SLC25A29: variants seen among roughly 807,000 people sequenced by gnomAD.
SLC25A29 encodes mitochondrial basic amino acids transporter.
A neutral mutation model predicts 10.0 loss-of-function variants in SLC25A29; 13 were observed. The observed-to-expected ratio is 1.30, with a 90% CI of 0.85 to 2.07. SLC25A29 has a LOEUF of 2.07. Among genes scored for constraint, SLC25A29 ranks in the 30% most tolerant of loss-of-function variants. The pLI is 0.00. For missense variants in SLC25A29, 475 were observed against 447.6 expected (o/e 1.06, Z -0.55); for synonymous variants, 244 against 221.1 (o/e 1.10, Z -0.92).
At chr14:100,303,137 G>A (rs1892673616) in intron 1 of SLC25A29, among the ~76,000 whole-genome samples, 1 of 152,216 alleles carries the variant, frequency 6.6e-6, no homozygotes, top group Admixed American at 6.5e-5. Context: ...CTGGAAACAG[G>A]AAATCCATCC....
At position 100,292,402 on chromosome 14, in the gene SLC25A29, T is replaced by C. The variant is rs962410210; in HGVS notation, c.793A>G (p.Thr265Ala). ...AGCACCACCGTGACGGTGGCGAAGG[T>C]GGCAGCGTTGACGGGGAAGGCGCGC... ...LLRAFPVNAA[T>A]FATVTVVLTY... Residue 265 changes from threonine to alanine, a missense_variant, in exon 4 of 4, where the codon ACC (threonine) becomes GCC (alanine). Transcript: ENST00000359232. 3.2e-6 allele frequency: 5 copies of C among 1,572,628 alleles called. No individual in the cohort carries two copies. The highest frequency in any genetic ancestry group is 4.3e-6 in the Non-Finnish European group (5 of 1,162,136).
At chr14:100,293,652 A>C (rs1891939226) in intron 2 of SLC25A29, 1 of 468,578 alleles carries the variant, frequency 2.1e-6, no homozygotes, top group African/African-American at 2.0e-5. Context: ...TCTTGTTTAC[A>C]CTATGGCTGC....
At chr14:100,297,423 C>T (rs537934177) in intron 2 of SLC25A29, among the ~76,000 whole-genome samples, 3 of 152,288 alleles carry the variant, frequency 2.0e-5, no homozygotes, top group Non-Finnish European at 2.9e-5. Flanking sequence ...GCAGGTCTGG[C>T]CAATTCATAG....
rs779196663 is a variant in SLC25A29 at position 100,292,742 on chromosome 14, G to A, written c.453C>T (p.Asn151=). The change falls in exon 4 of 4, where the codon AAC becomes AAT. Residue 151 remains asparagine (N), a synonymous_variant. Transcript: ENST00000359232. ...IYGHEGLRGV[N]RGMVSTLLRE... is the part of the protein sequence containing the mutation. ...GCAGCAACGTGGACACCATGCCCCG[G>A]TTGACGCCACGCAGACCCTCGTGCC... 3.7e-5 allele frequency: 60 copies of A among 1,602,484 alleles called. No individual in the cohort carries two copies. The highest frequency in any genetic ancestry group is 6.7e-5 in the South Asian group (6 of 89,614).
chr14:100,278,635 T>C, the SLC25A29 span: 1 of 152,264 alleles, frequency 6.6e-6, no homozygotes, highest in Non-Finnish European at 1.5e-5. Flanking sequence ...GATGCATGGA[T>C]ATTTTAATAC....
chr14:100,282,972 AGCAAG>A, the SLC25A29 span, among the ~76,000 whole-genome samples: 1 of 152,208 alleles, frequency 6.6e-6, no homozygotes, highest in Non-Finnish European at 1.5e-5. Context: ...GTCTCACACC[AGCAAG>A]AAATGCTTCT....
rs1891805101 is a variant in SLC25A29, at chr14:100,292,590, A to G, written c.605T>C (p.Val202Ala). 1 of 1,603,144 alleles carries G rather than the reference A, an allele frequency of 6.2e-7. No homozygotes were observed. The highest frequency in any genetic ancestry group is 1.3e-5 in the African/African-American group (1 of 74,930). Residue 202 changes from valine (V) to alanine (A), a missense_variant, in exon 4 of 4, where the codon GTG becomes GCG. Val to Ala is a moderately conservative substitution (Grantham distance 64, BLOSUM62 0). Transcript: ENST00000359232. ...LLLAGGTSGI[V>A]SWLSTYPVDV... ...CACAGGATAGGTAGAGAGCCAGGAC[A>G]CGATGCCTGACGTACCGCCCGCCAA... is the stretch of plus-strand genomic sequence containing the variant.
In SLC25A29 at chr14:100,292,861, GGCA is replaced by G; in HGVS notation, c.331_333del (p.Cys111del). 6.2e-7 allele frequency: 1 copy of G among 1,600,322 alleles called. No homozygotes were observed. Among genetic ancestry groups the G allele is most frequent in the Non-Finnish European group, 8.5e-7 (1 of 1,175,312 alleles). Reference sequence around the variant, plus strand: ...AGCCGCGTCTTGGCCAGCTCCATGGGGCAGCAGATGACGCACTGGATGGCGCCC... The same window carrying G: ...AGCCGCGTCTTGGCCAGCTCCATGGGGCAGATGACGCACTGGATGGCGCCC... On this transcript the variant is annotated inframe_deletion, in exon 4 of 4. Transcript: ENST00000359232.
At chr14:100,285,699 A>T in the SLC25A29 span, among the ~76,000 whole-genome samples, 29 of 150,750 alleles carry the variant, frequency 1.9e-4, no homozygotes, top group African/African-American at 7.1e-4. Context: ...GGCGGAGGAG[A>T]CTCCCGCCGC....
chr14:100,281,216 TTTAA>T, the SLC25A29 span: 2 of 151,988 alleles, frequency 1.3e-5, no homozygotes, highest in African/African-American at 2.4e-5. Context: ...GTTGTTGATC[TTTAA>T]TTATTTAATT....
chr14:100,299,780 T>A (rs1892418975), intron 1 of SLC25A29: 1 of 985,136 alleles, frequency 1.0e-6, no homozygotes, highest in African/African-American at 1.7e-5. Flanking sequence ...CTCCCTGGAG[T>A]TTCACGTGGA....
Position 100,295,966 on chromosome 14 carries a change from G to C in SLC25A29, c.79-2589C>G. On this transcript the variant is annotated intron_variant, in intron 2 of 3. Coordinates refer to ENST00000359232, the MANE Select transcript of SLC25A29 (RefSeq NM_001039355.3). Reference sequence around the variant, plus strand: ...TTCTGGGCGCTATAGAGGAGATCCAGATCTTGGATTCTTTCAGTCCCAAGG... The same window carrying C: ...TTCTGGGCGCTATAGAGGAGATCCACATCTTGGATTCTTTCAGTCCCAAGG... The C allele has an allele frequency of 2.3e-6, 3 of 1,289,788 alleles. No homozygotes were observed. In the South Asian group the frequency reaches 3.7e-5, roughly 16 times the overall value. 79.9% of individuals were successfully genotyped at this position (1,289,788 alleles called of 1,614,324 possible).
intron 1 of SLC25A29, 42 bp from the exon 2 acceptor site, chr14:100,298,927 AAC>A (rs917925312): frequency 6.2e-6 from 10 of 1,612,962 alleles, no homozygotes; most frequent in East Asian, 4.5e-5. Context: ...ATACCTCAGA[AAC>A]ACAGTGCAGG....
At chr14:100,295,455 G>C (rs1438433690) in intron 2 of SLC25A29, 2 of 602,968 alleles carry the variant, frequency 3.3e-6, no homozygotes, top group Non-Finnish European at 4.9e-6. Flanking sequence ...CAATCCAGAG[G>C]GGGCTGATTT....
In SLC25A29 at chr14:100,292,880, G is replaced by C. The variant is rs774058883; in HGVS notation, c.315C>G (p.Ile105Met). 2 of 1,601,944 alleles carry C rather than the reference G, an allele frequency of 1.2e-6. No individual in the cohort carries two copies. The highest frequency in any genetic ancestry group is 2.7e-5 in the African/African-American group (2 of 74,786). ...QFLAGAAAGA[I>M]QCVICCPMEL... ...CCATGGGGCAGCAGATGACGCACTG[G>C]ATGGCGCCCGCCGCCGCACCTGCCA... Residue 105 changes from isoleucine (I) to methionine (M), a missense_variant, in exon 4 of 4, where the codon ATC (isoleucine) becomes ATG (methionine). Ile to Met is a conservative substitution (Grantham distance 10, BLOSUM62 1). Coordinates refer to ENST00000359232, the MANE Select transcript of SLC25A29 (RefSeq NM_001039355.3).
chr14:100,286,712 G>A (rs962643221), downstream of SLC25A29, among the ~76,000 whole-genome samples: 4 of 152,238 alleles, frequency 2.6e-5, no homozygotes, highest in African/African-American at 4.8e-5. Flanking sequence ...CTGCCTCTCC[G>A]TGGGTAGGTG....
At position 100,306,249 on chromosome 14, in the gene SLC25A29, A is replaced by T; in HGVS notation, c.-17T>A. On this transcript the variant is annotated 5_prime_UTR_variant, in exon 1 of 4. Coordinates refer to ENST00000359232, the MANE Select transcript of SLC25A29 (RefSeq NM_001039355.3). ...CAGCGCCATGGCCGGGTCCCCGGCG[A>T]GGCCGCCTTTCCTCCTCGTCCTCCC... 1 of 1,484,278 alleles carries T rather than the reference A, an allele frequency of 6.7e-7. No individual in the cohort carries two copies. Among genetic ancestry groups the T allele is most frequent in the Non-Finnish European group, 8.9e-7 (1 of 1,120,906 alleles). The allele number at this position is 1,484,278 out of a possible 1,614,324, so 91.9% of individuals were successfully genotyped here.
intron 2 of SLC25A29, among the ~76,000 whole-genome samples, chr14:100,297,525 G>A (rs55663021): frequency 0.04 from 6,033 of 152,342 alleles, 172 homozygotes; most frequent in Non-Finnish European, 0.056. Flanking sequence ...ACATGACCAC[G>A]AGACATAAAC....
chr14:100,284,759 G>A, the SLC25A29 span, among the ~76,000 whole-genome samples: 1 of 152,224 alleles, frequency 6.6e-6, no homozygotes, highest in South Asian at 2.1e-4. Context: ...GGGGCTAGGG[G>A]CCGGACGCGG....
Sources: gnomAD v4.1 joint callset for allele counts (sites outside exome capture counted in the v4.1 genomes callset) on GRCh38, gnomAD v4.1.1 for gene constraint, MANE v1.5 for transcripts, NCBI Gene and HGNC (gene_info 2026-07-23, HGNC 2026-07-21) for gene names.